The following GMEB1 variants were observed in gnomAD, a reference collection of about 807,000 sequenced individuals.
GMEB1 encodes glucocorticoid modulatory element binding protein 1, also known as glucocorticoid modulatory element-binding protein 1.
Under a neutral mutation model 52.4 loss-of-function variants are expected in GMEB1, and 6 were observed. The observed-to-expected ratio is 0.11, with a 90% confidence interval of 0.06 to 0.23. GMEB1 has a LOEUF of 0.23. GMEB1 is among the 10% of genes least tolerant of loss of function. GMEB1 has a pLI of 1.00. For missense variants in GMEB1, 486 were observed against 685.6 expected (o/e 0.71, Z 3.25); for synonymous variants, 255 against 244.9 (o/e 1.04, Z -0.38).
At chr1:28,711,037 C>T (rs986800226) in intron 9 of GMEB1, among the ~76,000 whole-genome samples, 1 of 151,962 alleles carries the variant, frequency 6.6e-6, no homozygotes, top group African/African-American at 2.4e-5. Flanking sequence ...TGTGTAATCC[C>T]AGCACTTTGG....
intron 1 of GMEB1, among the ~76,000 whole-genome samples, chr1:28,674,262 C>T (rs932833665): frequency 2.6e-5 from 4 of 151,882 alleles, no homozygotes; most frequent in Non-Finnish European, 2.9e-5. Context: ...TCACTTGAGG[C>T]CCCAAGGTCG....
Position 28,692,938 on chromosome 1 carries a change from T to C in GMEB1, c.337-4T>C, listed in dbSNP as rs890476774. On this transcript the variant is annotated splice_region_variant and splice_polypyrimidine_tract_variant and intron_variant, in intron 4 of 9. Transcript: ENST00000373816. The stretch of plus-strand genomic sequence containing the variant: ...ACTCTTTGGACTTTTCTTTTTACTT[T>C]TAGTTCAATGATCAGTTGATCAGCC... 15 of 1,565,124 alleles carry C rather than the reference T, an allele frequency of 9.6e-6. No individual in the cohort carries two copies. Among genetic ancestry groups the C allele is most frequent in the Non-Finnish European group, 1.3e-5 (15 of 1,146,314 alleles).
chr1:28,690,131 C>A lies in GMEB1; in HGVS notation c.156C>A (p.Asn52Lys). 1 of 1,602,152 alleles carries A rather than the reference C, an allele frequency of 6.2e-7. No homozygotes were observed. Among genetic ancestry groups the A allele is most frequent in the Non-Finnish European group, 8.5e-7 (1 of 1,173,766 alleles). ...TTTATGAAGCTGGGTCGGAGAACAA[C>A]ACGGCAGTTGTAGCAGTAGAAACTC... ...QGIYEAGSEN[N>K]TAVVAVETHT... is the part of the protein sequence containing the mutation. Residue 52 changes from asparagine (N) to lysine (K), a missense_variant, in exon 3 of 10, where the codon AAC becomes AAA. Coordinates refer to ENST00000373816, the MANE Select transcript of GMEB1 (RefSeq NM_001319674.2).
intron 9 of GMEB1, among the ~76,000 whole-genome samples, chr1:28,713,544 C>T (rs1671157428): frequency 6.6e-6 from 1 of 152,178 alleles, no homozygotes; most frequent in South Asian, 2.1e-4. Flanking sequence ...CTTAAGACCT[C>T]TTTTAGTTCT....
chr1:28,706,023 G>A (rs1263650041), intron 8 of GMEB1, among the ~76,000 whole-genome samples: 4 of 151,450 alleles, frequency 2.6e-5, no homozygotes, highest in East Asian at 2.0e-4. Context: ...GCGCGGTGGC[G>A]GACGCCTGTA....
rs1671269560 is a variant in GMEB1, at chr1:28,716,240, G to A, written c.*1467G>A. On this transcript the variant is annotated 3_prime_UTR_variant, in exon 10 of 10. Coordinates refer to ENST00000373816, the MANE Select transcript of GMEB1 (RefSeq NM_001319674.2). ...GTCCATTCATTTGAAACTGTGCAAT[G>A]TGATGTAAATGGCTCTGGTTCTTAG... 6.6e-6 allele frequency: 1 copy of A among 152,226 alleles called. No homozygotes were observed. Among genetic ancestry groups the A allele is most frequent in the Non-Finnish European group, 1.5e-5 (1 of 68,040 alleles). The allele number at this position is 152,226 out of a possible 1,614,324, so 9.4% of individuals were successfully genotyped here.
intron 8 of GMEB1, among the ~76,000 whole-genome samples, chr1:28,705,788 A>G (rs937583792): frequency 6.6e-6 from 1 of 151,516 alleles, no homozygotes; most frequent in Admixed American, 6.6e-5. Context: ...TACATTCATT[A>G]TGTGGTATGT....
At chr1:28,683,841 A>G in intron 2 of GMEB1, 101 bp downstream of exon 2, 2 of 1,122,606 alleles carry the variant, frequency 1.8e-6, no homozygotes, top group Non-Finnish European at 2.6e-6. Flanking sequence ...AACATTTAAC[A>G]TCAATCAGAG....
chr1:28,707,150 T>C (rs963974625), intron 8 of GMEB1, among the ~76,000 whole-genome samples: 4 of 151,572 alleles, frequency 2.6e-5, no homozygotes, highest in Non-Finnish European at 5.9e-5. Context: ...GGCCAGCTAA[T>C]TTTTTATATT....
intron 1 of GMEB1, among the ~76,000 whole-genome samples, chr1:28,670,320 T>TTTG (rs573305729): frequency 5.8e-4 from 88 of 150,898 alleles, no homozygotes; most frequent in East Asian, 9.8e-4. Context: ...ACCAGCCAAT[T>TTTG]TTGTTGTTGT....
intron 7 of GMEB1, among the ~76,000 whole-genome samples, chr1:28,703,442 A>T (rs1380549288): frequency 6.6e-6 from 1 of 152,122 alleles, no homozygotes; most frequent in African/African-American, 2.4e-5. Flanking sequence ...TGGATGGATC[A>T]CCTGAGGTCG....
chr1:28,707,196 G>A (rs7537118), intron 8 of GMEB1, among the ~76,000 whole-genome samples: 58,631 of 149,988 alleles, frequency 0.39, 12,706 homozygotes, highest in East Asian at 0.77. Flanking sequence ...GTTAGCCAGC[G>A]TGGTCTAGAT....
intron 6 of GMEB1, among the ~76,000 whole-genome samples, chr1:28,701,642 T>G (rs181594270): frequency 1.2e-3 from 189 of 151,374 alleles, no homozygotes; most frequent in Non-Finnish European, 2.3e-3. Context: ...AACCATGGTT[T>G]ACTGCAGTCT....
At chr1:28,686,856 C>T (rs893094953) in intron 2 of GMEB1, among the ~76,000 whole-genome samples, 3 of 151,976 alleles carry the variant, frequency 2.0e-5, no homozygotes, top group African/African-American at 7.3e-5. Flanking sequence ...AATGAATAAG[C>T]CATAATCTGT....
intron 1 of GMEB1, among the ~76,000 whole-genome samples, chr1:28,674,894 A>G (rs1296293109): frequency 7.7e-5 from 10 of 130,048 alleles, no homozygotes; most frequent in Non-Finnish European, 1.6e-4. Context: ...AATTTTTTGT[A>G]TTTTTAGTAG....
rs1229477762 is a variant in GMEB1, at chr1:28,716,479, T to A, written c.*1706T>A. 2 of 152,218 alleles carry A rather than the reference T, an allele frequency of 1.3e-5. No homozygotes were observed. Among genetic ancestry groups the A allele is most frequent in the African/African-American group, 2.4e-5 (1 of 41,444 alleles). The allele number at this position is 152,218 out of a possible 1,614,324, so 9.4% of individuals were successfully genotyped here. A position where few individuals can be genotyped will look rare whatever the true frequency, so the allele number is the denominator to read the frequency against. On this transcript the variant is annotated 3_prime_UTR_variant, in exon 10 of 10. Coordinates refer to ENST00000373816, the MANE Select transcript of GMEB1 (RefSeq NM_001319674.2). ...ATCTGTCTCCTAGAACCCACGCTCT[T>A]CAGCTTTTTGGCTGATTTGGAGAAC...
chr1:28,691,196 G>T (rs150917983), intron 3 of GMEB1, among the ~76,000 whole-genome samples: 156 of 151,920 alleles, frequency 1.0e-3, no homozygotes, highest in African/African-American at 3.6e-3. Flanking sequence ...TACTTGGAAG[G>T]CTGAGGCAGG....
intron 2 of GMEB1, among the ~76,000 whole-genome samples, chr1:28,684,037 T>C (rs1166144009): frequency 1.3e-5 from 2 of 152,118 alleles, no homozygotes; most frequent in Non-Finnish European, 2.9e-5. Context: ...AGAGTCTTAC[T>C]CTGTCACCTA....
At chr1:28,686,996 AAG>A (rs1669677316) in intron 2 of GMEB1, among the ~76,000 whole-genome samples, 1 of 151,970 alleles carries the variant, frequency 6.6e-6, no homozygotes, top group African/African-American at 2.4e-5. Context: ...GATTATATTG[AAG>A]GGATTAGGAA....
Sources: allele counts gnomAD v4.1 joint callset (sites outside exome capture counted in the v4.1 genomes callset), GRCh38; gene constraint gnomAD v4.1.1; transcripts MANE v1.5; gene names NCBI Gene and HGNC (gene_info 2026-07-23, HGNC 2026-07-21).